The following LCORL variants were observed in gnomAD, a reference collection of about 807,000 sequenced individuals.
LCORL encodes ligand-dependent nuclear receptor corepressor-like protein.
A neutral mutation model predicts 141.8 loss-of-function variants in LCORL; 41 were observed. The ratio of observed to expected loss-of-function variants is 0.29; its 90% CI spans 0.23 to 0.38. The LOEUF (loss-of-function observed/expected upper bound fraction) is 0.38, where lower values mean the gene tolerates loss of function less well. Among genes scored for constraint, LCORL ranks in the 10% least tolerant of loss-of-function variants. LCORL has a pLI of 1.00. For synonymous variants in LCORL, 618 were observed against 694.1 expected (o/e 0.89, Z 1.72); for missense variants, 1,759 against 2,035.0 (o/e 0.86, Z 2.61).
intron 5 of LCORL, among the ~76,000 whole-genome samples, chr4:17,905,069 T>C (rs1290900902): frequency 6.6e-6 from 1 of 152,174 alleles, no homozygotes; most frequent in East Asian, 1.9e-4. Flanking sequence ...CTTAGGCATT[T>C]CACTGTTTTT....
chr4:17,937,220 T>C (rs1737008242), intron 4 of LCORL, among the ~76,000 whole-genome samples: 1 of 152,146 alleles, frequency 6.6e-6, no homozygotes, highest in Admixed American at 6.5e-5. Flanking sequence ...TTGCCAACAT[T>C]CTATTGCAAT....
At chr4:17,932,006 T>A (rs1245492840) in intron 4 of LCORL, among the ~76,000 whole-genome samples, 2 of 152,190 alleles carry the variant, frequency 1.3e-5, no homozygotes, top group Non-Finnish European at 2.9e-5. Flanking sequence ...TCCACACACA[T>A]TATGAATTAC....
At chr4:17,984,411 G>A (rs1055245550) in intron 1 of LCORL, among the ~76,000 whole-genome samples, 3 of 152,020 alleles carry the variant, frequency 2.0e-5, no homozygotes, top group Non-Finnish European at 4.4e-5. Flanking sequence ...GCTTTTTTAG[G>A]TTGGTAGGGT....
intron 4 of LCORL, among the ~76,000 whole-genome samples, chr4:17,916,218 C>G (rs1252433294): frequency 6.6e-6 from 1 of 152,176 alleles, no homozygotes; most frequent in Non-Finnish European, 1.5e-5. Context: ...TATACAAACT[C>G]TTAGTTTTAG....
At chr4:17,942,469 C>A (rs993565593) in intron 4 of LCORL, among the ~76,000 whole-genome samples, 24 of 152,050 alleles carry the variant, frequency 1.6e-4, no homozygotes, top group Non-Finnish European at 7.4e-5. Context: ...TTTTAATCAT[C>A]TTTAATTTTC....
chr4:17,862,367 A>C (rs542750357), intron 7 of LCORL, among the ~76,000 whole-genome samples: 12 of 152,284 alleles, frequency 7.9e-5, no homozygotes, highest in Non-Finnish European at 1.3e-4. Flanking sequence ...TCACTATCAC[A>C]AGAAGAGCAT....
intron 2 of LCORL, among the ~76,000 whole-genome samples, chr4:17,966,296 A>ATTT (rs1448130713): frequency 6.6e-6 from 1 of 152,082 alleles, no homozygotes; most frequent in Non-Finnish European, 1.5e-5. Flanking sequence ...GAAAGCACAA[A>ATTT]TTTTTAATAC....
intron 1 of LCORL, among the ~76,000 whole-genome samples, chr4:17,988,558 A>G (rs13132994): frequency 0.24 from 35,812 of 152,190 alleles, 5,352 homozygotes; most frequent in African/African-American, 0.42. Context: ...AGTATGTTAA[A>G]CATCACTATT....
At chr4:17,848,740 G>A (rs1165318823) in intron 7 of LCORL, among the ~76,000 whole-genome samples, 9 of 152,228 alleles carry the variant, frequency 5.9e-5, no homozygotes, top group South Asian at 2.1e-4. Flanking sequence ...TGCCTCACTC[G>A]GGAAGCGCAA....
chr4:17,939,893 C>CACACACACACACACAT (rs1553873776), intron 4 of LCORL, among the ~76,000 whole-genome samples: 34 of 150,212 alleles, frequency 2.3e-4, no homozygotes, highest in African/African-American at 7.8e-4. Context: ...CACACACACA[C>CACACACACACACACAT]ATATATGTAT....
intron 1 of LCORL, among the ~76,000 whole-genome samples, chr4:18,011,152 T>A (rs77365043): frequency 0.034 from 5,164 of 152,260 alleles, 126 homozygotes; most frequent in African/African-American, 0.067. Context: ...CCCATCAAGC[T>A]ATTCCTCTAA....
chr4:18,002,076 CA>C (rs1722063759), intron 1 of LCORL, among the ~76,000 whole-genome samples: 1 of 152,122 alleles, frequency 6.6e-6, no homozygotes, highest in Admixed American at 6.5e-5. Flanking sequence ...TGAGTGCTGA[CA>C]AATACTGTAA....
chr4:18,007,004 G>A (rs531298803), intron 1 of LCORL, among the ~76,000 whole-genome samples: 10 of 152,094 alleles, frequency 6.6e-5, no homozygotes, highest in Admixed American at 3.9e-4. Context: ...ACTAAAATCC[G>A]TTTATTGTAA....
At chr4:17,918,654 A>G (rs1733826946) in intron 4 of LCORL, among the ~76,000 whole-genome samples, 1 of 152,226 alleles carries the variant, frequency 6.6e-6, no homozygotes, top group Non-Finnish European at 1.5e-5. Context: ...GAGATCATTC[A>G]GTCTAAGGAC....
chr4:17,998,843 GA>G (rs1175251196), intron 1 of LCORL, among the ~76,000 whole-genome samples: 1 of 149,262 alleles, frequency 6.7e-6, no homozygotes, highest in Non-Finnish European at 1.5e-5. Context: ...TGCACATCGG[GA>G]AACTTAGCTA....
chr4:17,884,686 T>C lies in LCORL; in HGVS notation c.776+1382A>G, dbSNP rs1290955034. On this transcript the variant is annotated intron_variant, in intron 6 of 7. Transcript: ENST00000635767. This position sits in a 1 kb window ranked among gnomAD's most constrained non-coding sequence, Gnocchi z 4.4. ...CAGACTGAATGTCTTTCAAAGCTTTTGAGAGCAAACCATCTGCAAACTCAG... is the reference window on the plus strand; with the variant it reads ...CAGACTGAATGTCTTTCAAAGCTTTCGAGAGCAAACCATCTGCAAACTCAG... 3 of 1,527,598 alleles carry C rather than the reference T, an allele frequency of 2.0e-6. No homozygotes were observed. Among genetic ancestry groups the C allele is most frequent in the African/African-American group, 1.4e-5 (1 of 71,334 alleles). 94.6% of individuals were successfully genotyped at this position (1,527,598 alleles called of 1,614,324 possible). A position where few individuals can be genotyped will look rare whatever the true frequency, so the allele number is the denominator to read the frequency against.
rs535341496 is a variant in LCORL, at chr4:17,969,774, A to G, written c.220+3046T>C. Among the ~76,000 whole-genome samples the G allele has an allele frequency of 2.6e-5, 4 of 152,294 alleles. No individual in the cohort carries two copies. The South Asian group carries it at 6.2e-4, about 24-fold the overall frequency. On this transcript the variant is annotated intron_variant, in intron 2 of 7. Coordinates refer to ENST00000635767, the Ensembl canonical transcript of LCORL. ...AAACTAAAATTAGCATTGCTTAAAT[A>G]TTTCAGATAAAAATACTTAATTCAG... is the stretch of plus-strand genomic sequence containing the variant.
intron 4 of LCORL, chr4:17,912,882 C>T (rs2109341016): frequency 2.2e-6 from 1 of 455,610 alleles, no homozygotes; most frequent in East Asian, 5.3e-5. Flanking sequence ...TGGACAGCAG[C>T]AATTCCATGC....
chr4:17,999,733 G>A (rs1342197346), intron 1 of LCORL, among the ~76,000 whole-genome samples: 1 of 152,136 alleles, frequency 6.6e-6, no homozygotes, highest in Non-Finnish European at 1.5e-5. Flanking sequence ...ATTGTTTTAA[G>A]GACACTAGTA....
Sources: gnomAD v4.1 joint callset for allele counts (sites outside exome capture counted in the v4.1 genomes callset) on GRCh38, gnomAD v4.1.1 for gene constraint, Gnocchi (gnomAD v3.1) non-coding constraint, MANE v1.5 for transcripts, NCBI Gene and HGNC (gene_info 2026-07-23, HGNC 2026-07-21) for gene names.